Variants in ANK2 observed in about 807,000 individuals in gnomAD.
ANK2 encodes the protein ankyrin-2.
Under a neutral mutation model 360.5 loss-of-function variants are expected in ANK2, and 83 were observed. The observed-to-expected ratio is 0.23, with a 90% CI of 0.19 to 0.28. ANK2 has a LOEUF of 0.28. ANK2 is among the 10% of genes least tolerant of loss of function. ANK2 has a pLI of 1.00. For missense variants in ANK2, 4,201 were observed against 4,795.7 expected (o/e 0.88, Z 3.66); for synonymous variants, 1,740 against 1,759.5 (o/e 0.99, Z 0.28).
intron 1 of ANK2, among the ~76,000 whole-genome samples, chr4:113,086,972 T>C (rs2085136585): frequency 6.6e-6 from 1 of 152,178 alleles, no homozygotes; most frequent in Non-Finnish European, 1.5e-5. Flanking sequence ...CCACTGTGTA[T>C]GGCAGGTATT....
chr4:112,759,834 C>T, the ANK2 span, among the ~76,000 whole-genome samples: 1 of 152,168 alleles, frequency 6.6e-6, no homozygotes, highest in Non-Finnish European at 1.5e-5. Flanking sequence ...TCATCATCTG[C>T]TATTAATTCA....
chr4:113,044,189 T>G (rs1238857774), intron 2 of ANK2, among the ~76,000 whole-genome samples: 1 of 152,168 alleles, frequency 6.6e-6, no homozygotes, highest in Non-Finnish European at 1.5e-5. Flanking sequence ...TCTCAGTGAT[T>G]AAACTCGCAT....
intron 34 of ANK2, 135 bp from the exon 35 acceptor site, chr4:113,345,765 A>G (rs1308376908): frequency 8.0e-7 from 1 of 1,245,528 alleles, no homozygotes; most frequent in Non-Finnish European, 1.1e-6. Context: ...GTAATAGGAA[A>G]AGAGAAAGGA....
intron 15 of ANK2, 108 bp downstream of exon 15, chr4:113,274,757 C>A: frequency 1.7e-6 from 2 of 1,150,702 alleles, no homozygotes; most frequent in East Asian, 2.5e-5. Context: ...CAGGCCTTGA[C>A]TTACTTCCTT....
chr4:112,850,445 C>CTT (rs548963656), intron 1 of ANK2, among the ~76,000 whole-genome samples: 10,845 of 74,000 alleles, frequency 0.15, 1,044 homozygotes, highest in Middle Eastern at 0.25. Context: ...TTGTTCGTTT[C>CTT]TTTTTTTTTT....
chr4:113,264,182 T>TA (rs983145001), intron 13 of ANK2, among the ~76,000 whole-genome samples: 2 of 151,572 alleles, frequency 1.3e-5, no homozygotes, highest in African/African-American at 4.9e-5. Flanking sequence ...TGATCCATTT[T>TA]TGTCTAGTCT....
At chr4:113,033,091 C>G (rs940743669) in intron 2 of ANK2, among the ~76,000 whole-genome samples, 2 of 152,026 alleles carry the variant, frequency 1.3e-5, no homozygotes, top group Non-Finnish European at 2.9e-5. Context: ...AATGGTCTCT[C>G]TCCTGTATTT....
chr4:113,283,457 AT>A (rs1042439585), intron 18 of ANK2, among the ~76,000 whole-genome samples: 2 of 151,336 alleles, frequency 1.3e-5, no homozygotes, highest in Admixed American at 6.6e-5. Context: ...TGAGAAAATC[AT>A]TTTTTTTTAA....
chr4:113,121,270 T>G (rs1005616366), intron 1 of ANK2, among the ~76,000 whole-genome samples: 1 of 152,186 alleles, frequency 6.6e-6, no homozygotes, highest in Admixed American at 6.5e-5. Context: ...GTGGCAGAGT[T>G]GGGATTTGAA....
intron 26 of ANK2, 142 bp downstream of exon 26, chr4:113,318,762 T>TCAATTAAAG: frequency 1.4e-6 from 1 of 713,380 alleles, no homozygotes. Context: ...TAACATTGCT[T>TCAATTAAAG]TATCCAACAT....
chr4:113,099,840 T>C (rs2092497284), intron 1 of ANK2, among the ~76,000 whole-genome samples: 1 of 152,054 alleles, frequency 6.6e-6, no homozygotes, highest in African/African-American at 2.4e-5. Flanking sequence ...TGAACTGATT[T>C]TTGACCAAGA....
At chr4:112,749,707 C>T in the ANK2 span, among the ~76,000 whole-genome samples, 2 of 152,128 alleles carry the variant, frequency 1.3e-5, no homozygotes, top group Non-Finnish European at 2.9e-5. Context: ...TAGAACATAA[C>T]AGTTGCTAAA....
At chr4:112,797,635 A>G in the ANK2 span, 1 of 164,066 alleles carries the variant, frequency 6.1e-6, no homozygotes, top group South Asian at 1.8e-4. Flanking sequence ...TGGTAATATC[A>G]TCAATATCAC....
intron 1 of ANK2, among the ~76,000 whole-genome samples, chr4:113,131,371 A>G (rs1204017761): frequency 6.6e-6 from 1 of 152,282 alleles, no homozygotes; most frequent in East Asian, 1.9e-4. Context: ...GATGAATGCA[A>G]TGCTCCTGCA....
chr4:112,741,156 A>G, the ANK2 span, among the ~76,000 whole-genome samples: 1 of 152,172 alleles, frequency 6.6e-6, no homozygotes, highest in Non-Finnish European at 1.5e-5. Flanking sequence ...AATGGATATT[A>G]TCACATATTA....
At chr4:112,844,549 C>T (rs1361139816) in intron 1 of ANK2, among the ~76,000 whole-genome samples, 6 of 152,168 alleles carry the variant, frequency 3.9e-5, no homozygotes, top group Non-Finnish European at 8.8e-5. Flanking sequence ...AATCATCCAT[C>T]AGTTGATCCA....
chr4:112,952,044 A>C (rs1401003109), intron 2 of ANK2, among the ~76,000 whole-genome samples: 1 of 152,188 alleles, frequency 6.6e-6, no homozygotes, highest in Non-Finnish European at 1.5e-5. Context: ...ATTGAACTCA[A>C]ATCTCTTTCA....
At chr4:112,840,237 C>T (rs2061814296) in intron 1 of ANK2, among the ~76,000 whole-genome samples, 1 of 152,160 alleles carries the variant, frequency 6.6e-6, no homozygotes, top group Non-Finnish European at 1.5e-5. Context: ...TCTGTATTTT[C>T]ATCTGATGAC....
At chr4:113,042,966 C>G (rs2063337478) in intron 2 of ANK2, among the ~76,000 whole-genome samples, 1 of 152,092 alleles carries the variant, frequency 6.6e-6, no homozygotes, top group African/African-American at 2.4e-5. Flanking sequence ...GGTTCTATGA[C>G]CATCACTAGC....
Sources: gnomAD v4.1 joint callset for allele counts (sites outside exome capture counted in the v4.1 genomes callset) on GRCh38, gnomAD v4.1.1 for gene constraint, MANE v1.5 for transcripts, NCBI Gene and HGNC (gene_info 2026-07-23, HGNC 2026-07-21) for gene names.